The following CHST1 variants were observed in gnomAD, a reference collection of about 807,000 sequenced individuals.
The protein encoded by CHST1 is Keratan sulfotransferase.
A neutral mutation model predicts 22.5 loss-of-function variants in CHST1; 10 were observed. The observed-to-expected ratio is 0.44, with a 90% CI of 0.27 to 0.75. The LOEUF (loss-of-function observed/expected upper bound fraction) is 0.75, where lower values mean the gene tolerates loss of function less well. Ranked by LOEUF, CHST1 falls within the 30% of genes least tolerant of loss-of-function variation. CHST1 has a pLI of 0.15. For missense variants in CHST1, 439 were observed against 576.1 expected, an observed-to-expected ratio of 0.76 and a Z score of 2.44; for synonymous variants, 267 against 264.5, an observed-to-expected ratio of 1.01 and a Z score of -0.09.
chr11:45,660,190 C>T (rs1468204444), intron 1 of CHST1, among the ~76,000 whole-genome samples: 1 of 152,204 alleles, frequency 6.6e-6, no homozygotes, highest in Non-Finnish European at 1.5e-5. Flanking sequence ...GTAAGAACTA[C>T]AGCTGAATCA....
chr11:45,656,467 A>G lies in CHST1; in HGVS notation c.-226-3861T>C, dbSNP rs1852063718. On this transcript the variant is annotated intron_variant, in intron 1 of 3. Coordinates refer to ENST00000308064, the MANE Select transcript of CHST1 (RefSeq NM_003654.6). ...GATTTGTTTAAGGAGGTGGACATGT[A>G]TATTTGTATATATGCATAAACAATC... 2.6e-5 allele frequency among the ~76,000 whole-genome samples: 4 copies of G among 152,222 alleles called. No homozygotes were observed. In the South Asian group the frequency reaches 8.3e-4, roughly 32 times the overall value.
In CHST1 at chr11:45,662,465, CG is replaced by C. The variant is rs1247867424; in HGVS notation, c.-227+2712del. Among the ~76,000 whole-genome samples, 4 of 152,246 alleles carry C rather than the reference CG, an allele frequency of 2.6e-5. No individual in the cohort carries two copies. The East Asian group carries it at 7.7e-4, about 29-fold the overall frequency. The stretch of plus-strand genomic sequence containing the variant: ...AAAAAAATGGCTGGCTGCTTCCCAG[CG>C]GGGGGTGTGCCGGGGCCGCTGGGGA... On this transcript the variant is annotated intron_variant, in intron 1 of 3. Coordinates refer to ENST00000308064, the MANE Select transcript of CHST1 (RefSeq NM_003654.6).
Position 45,656,099 on chromosome 11 carries a change from A to C in CHST1, c.-226-3493T>G, listed in dbSNP as rs113477356. Among the ~76,000 whole-genome samples the C allele has an allele frequency of 2.0e-3, 303 of 152,306 alleles. 1 individual carries two copies. The highest frequency in any genetic ancestry group is 7.0e-3 in the African/African-American group (291 of 41,544). ...TTAGCCCCCACCTCTTGCTGTACAG[A>C]AATCCCATGAAACCCAGGGCTGAGG... On this transcript the variant is annotated intron_variant, in intron 1 of 3. Transcript: ENST00000308064.
At chr11:45,656,039 G>A (rs944341838) in intron 1 of CHST1, among the ~76,000 whole-genome samples, 6 of 152,196 alleles carry the variant, frequency 3.9e-5, no homozygotes, top group Admixed American at 2.0e-4. Context: ...AGGGGGTGGC[G>A]GCCCTAGAAC....
rs1050785075 is a variant in CHST1, at chr11:45,648,972, G to A, written c.*716C>T. 3 of 149,812 alleles carry A rather than the reference G, an allele frequency of 2.0e-5. No individual in the cohort carries two copies. The highest frequency in any genetic ancestry group is 7.4e-5 in the African/African-American group (3 of 40,570). 9.3% of individuals were successfully genotyped at this position (149,812 alleles called of 1,614,324 possible). A position where few individuals can be genotyped will look rare whatever the true frequency, so the allele number is the denominator to read the frequency against. ...TGATCCACTCTTTTTTTTTCTTTTT[G>A]GCACAAAGAAATATCACAGATGGAC... is the stretch of plus-strand genomic sequence containing the variant. On this transcript the variant is annotated 3_prime_UTR_variant, in exon 4 of 4. Coordinates refer to ENST00000308064, the MANE Select transcript of CHST1 (RefSeq NM_003654.6).
intron 1 of CHST1, among the ~76,000 whole-genome samples, chr11:45,664,280 C>T (rs554921879): frequency 6.6e-6 from 1 of 152,226 alleles, no homozygotes; most frequent in South Asian, 2.1e-4. Flanking sequence ...CCGGCCCAAG[C>T]CCGTCTTCAG....
Position 45,665,556 on chromosome 11 carries a change from T to A in CHST1, c.-605A>T, listed in dbSNP as rs1852190004. The A allele has an allele frequency of 6.6e-6, 1 of 150,812 alleles. No homozygotes were observed. Among genetic ancestry groups the A allele is most frequent in the Admixed American group, 6.6e-5 (1 of 15,194 alleles). 9.3% of individuals were successfully genotyped at this position (150,812 alleles called of 1,614,324 possible). A position where few individuals can be genotyped will look rare whatever the true frequency, so the allele number is the denominator to read the frequency against. The stretch of plus-strand genomic sequence containing the variant: ...AGCAGCAGCCGCAGGCACCAGAGCC[T>A]CTCGGAGCGCCCGCCCGCGTCCCCG... On this transcript the variant is annotated 5_prime_UTR_variant, in exon 1 of 4. Coordinates refer to ENST00000308064, the MANE Select transcript of CHST1 (RefSeq NM_003654.6). This position sits in a 1 kb window ranked among gnomAD's most constrained non-coding sequence, Gnocchi z 4.0.
rs1851980545 is a variant in CHST1, at chr11:45,650,500, G to C, written c.424C>G (p.Pro142Ala). 1 of 1,613,646 alleles carries C rather than the reference G, an allele frequency of 6.2e-7. No homozygotes were observed. Among genetic ancestry groups the C allele is most frequent in the Non-Finnish European group, 8.5e-7 (1 of 1,179,972 alleles). ...LYFLENYIKP[P>A]PVNHTTDRIF... ...CTGTCGGTGGTGTGGTTGACCGGCG[G>C]CGGCTTGATGTAGTTCTCCAGGAAG... is the stretch of plus-strand genomic sequence containing the variant. The change falls in exon 4 of 4, where the codon CCG becomes GCG. Residue 142 changes from proline to alanine, a missense_variant. Coordinates refer to ENST00000308064, the MANE Select transcript of CHST1 (RefSeq NM_003654.6).
At chr11:45,654,152 G>A (rs1236923884) in intron 1 of CHST1, among the ~76,000 whole-genome samples, 1 of 152,172 alleles carries the variant, frequency 6.6e-6, no homozygotes, top group East Asian at 1.9e-4. Flanking sequence ...TATTTAAAGA[G>A]AAACATCTTG....
intron 1 of CHST1, among the ~76,000 whole-genome samples, chr11:45,659,797 A>T (rs1590693633): frequency 6.6e-6 from 1 of 152,292 alleles, no homozygotes; most frequent in East Asian, 1.9e-4. Context: ...CACCAAAAAG[A>T]CACCAACGAA....
Position 45,649,688 on chromosome 11 carries a change from T to G in CHST1, c.1236A>C (p.Ter412CysextTer22). 2 of 1,558,532 alleles carry G rather than the reference T, an allele frequency of 1.3e-6. No homozygotes were observed. The highest frequency in any genetic ancestry group is 1.7e-6 in the Non-Finnish European group (2 of 1,156,610). ...CCCGCCCCCACCCGCACCGCCCGGG[T>G]CACGAGAAGGGGCGGAAGTCCCGCT... ...VEERDFRPFS* is the reference protein window; with the variant it reads ...VEERDFRPFSC Residue 412 changes from the stop codon to cysteine, a stop_lost, in exon 4 of 4, where the codon TGA becomes TGC. Transcript: ENST00000308064.
rs376552179 is a variant in CHST1 at position 45,647,723 on chromosome 11, G to A, written c.*1965C>T. 6.6e-6 allele frequency among the ~76,000 whole-genome samples: 1 copy of A among 152,274 alleles called. No homozygotes were observed. Among genetic ancestry groups the A allele is most frequent in the South Asian group, 2.1e-4 (1 of 4,816 alleles). On this transcript the variant is annotated 3_prime_UTR_variant, in exon 4 of 4. Transcript: ENST00000308064. ...ACGTTGTGAATGTATTTAATGAATG[G>A]TACACCTTAAAAAGGTTAAGATGGT...
chr11:45,659,413 C>T (rs41408648), intron 1 of CHST1, among the ~76,000 whole-genome samples: 2,954 of 152,192 alleles, frequency 0.019, 104 homozygotes, highest in African/African-American at 0.066. Flanking sequence ...GTGCCGATCT[C>T]GATCACAGCA....
chr11:45,652,139 C>T (rs1852006489), intron 2 of CHST1, 49 bp from the exon 3 acceptor site: 1 of 152,380 alleles, frequency 6.6e-6, no homozygotes, highest in African/African-American at 2.4e-5. Context: ...GCTGGGGTCT[C>T]AGTGCCCCCT....
At chr11:45,656,061 G>C (rs777794285) in intron 1 of CHST1, among the ~76,000 whole-genome samples, 15 of 152,232 alleles carry the variant, frequency 9.9e-5, no homozygotes, top group Non-Finnish European at 1.9e-4. Context: ...TAGCGGTGCT[G>C]CCTTCTGCCA....
intron 1 of CHST1, among the ~76,000 whole-genome samples, chr11:45,659,268 C>G (rs1852100683): frequency 6.6e-6 from 1 of 152,154 alleles, no homozygotes; most frequent in African/African-American, 2.4e-5. Context: ...TCAGACTCGG[C>G]TCTAAAGAAT....
Position 45,650,091 on chromosome 11 carries a change from T to A in CHST1, c.833A>T (p.Asp278Val). Residue 278 changes from aspartate to valine, a missense_variant, in exon 4 of 4, where the codon GAC becomes GTC. Asp to Val is a radical substitution (Grantham distance 152, BLOSUM62 -3). Coordinates refer to ENST00000308064, the MANE Select transcript of CHST1 (RefSeq NM_003654.6). ...GCCGGTGGACACGGAGTTGGAGAAG[T>A]CCTCGCACACCGTGGTCAGCTGCGT... is the stretch of plus-strand genomic sequence containing the variant. ...DVTQLTTVCE[D>V]FSNSVSTGLM... The A allele has an allele frequency of 6.2e-7, 1 of 1,613,874 alleles. No homozygotes were observed. Among genetic ancestry groups the A allele is most frequent in the Non-Finnish European group, 8.5e-7 (1 of 1,179,978 alleles).
At chr11:45,664,030 G>A (rs950593871) in intron 1 of CHST1, among the ~76,000 whole-genome samples, 4 of 152,180 alleles carry the variant, frequency 2.6e-5, no homozygotes, top group African/African-American at 9.7e-5. Context: ...GAGACAGCAG[G>A]CCCCACTGCA....
At position 45,649,612 on chromosome 11, in the gene CHST1, A is replaced by C; in HGVS notation, c.*76T>G. 7.0e-7 allele frequency: 1 copy of C among 1,425,156 alleles called. No individual in the cohort carries two copies. 88.3% of individuals were successfully genotyped at this position (1,425,156 alleles called of 1,614,324 possible). ...TGAGGTGGGAGAGGGAGGGGTTAAT[A>C]AGGCAACAGTTAAAAACGGTCCATT... On this transcript the variant is annotated 3_prime_UTR_variant, in exon 4 of 4. Coordinates refer to ENST00000308064, the MANE Select transcript of CHST1 (RefSeq NM_003654.6).
Sources: gnomAD v4.1 joint callset for allele counts (sites outside exome capture counted in the v4.1 genomes callset) on GRCh38, gnomAD v4.1.1 for gene constraint, Gnocchi (gnomAD v3.1) non-coding constraint, MANE v1.5 for transcripts, NCBI Gene and HGNC (gene_info 2026-07-23, HGNC 2026-07-21) for gene names.